Variants in NCF2 observed in about 807,000 individuals in gnomAD.
The protein encoded by NCF2 is neutrophil cytosol factor 2.
In NCF2, 45 loss-of-function variants were observed where a neutral mutation model predicts 70.9. That is an observed-to-expected ratio of 0.63 (90% confidence interval 0.50 to 0.81). The LOEUF is 0.81. Among genes scored for constraint, NCF2 ranks in the 40% least tolerant of loss-of-function variants. The pLI, the probability that NCF2 is intolerant of heterozygous loss-of-function variation, is 0.00. For missense variants in NCF2, 522 were observed against 631.6 expected (o/e 0.83, Z 1.86); for synonymous variants, 203 against 233.6 (o/e 0.87, Z 1.19).
upstream of NCF2, among the ~76,000 whole-genome samples, chr1:183,595,838 A>G (rs1006321370): frequency 6.6e-6 from 1 of 152,124 alleles, no homozygotes; most frequent in Non-Finnish European, 1.5e-5. Context: ...CACCTTTGCC[A>G]TGTTCTATTG....
the NCF2 span, among the ~76,000 whole-genome samples, chr1:183,599,746 C>T: frequency 9.3e-3 from 1,410 of 151,912 alleles, 26 homozygotes; most frequent in African/African-American, 0.032. Flanking sequence ...AGAGACAGGG[C>T]TTCTCCATGT....
chr1:183,573,440 G>T, intron 4 of NCF2, 148 bp from the exon 5 acceptor site: 1 of 799,986 alleles, frequency 1.3e-6, no homozygotes, highest in Non-Finnish European at 2.1e-6. Context: ...CCTCTAGGGT[G>T]TTAAGGTAGG....
At chr1:183,571,880 A>G (rs1672579088) in intron 5 of NCF2, among the ~76,000 whole-genome samples, 1 of 152,340 alleles carries the variant, frequency 6.6e-6, no homozygotes, top group East Asian at 1.9e-4. Flanking sequence ...CTTCCTTCAC[A>G]TAGCATAATG....
intron 1 of NCF2, among the ~76,000 whole-genome samples, chr1:183,589,444 G>C (rs753524717): frequency 3.3e-5 from 5 of 152,164 alleles, no homozygotes; most frequent in Non-Finnish European, 7.3e-5. Context: ...TTCGATCCTA[G>C]ATCTTCTCCT....
chr1:183,595,289 A>G (rs1673745460), upstream of NCF2, among the ~76,000 whole-genome samples: 1 of 152,174 alleles, frequency 6.6e-6, no homozygotes, highest in Non-Finnish European at 1.5e-5. Flanking sequence ...AGGATACAGA[A>G]AAGTCAACAG....
chr1:183,556,264 A>G (rs1416820626), intron 14 of NCF2, 34 bp from the exon 15 acceptor site: 1 of 1,575,650 alleles, frequency 6.3e-7, no homozygotes, highest in Non-Finnish European at 8.7e-7. Flanking sequence ...GGATTTCTAA[A>G]ACCACTGTAG....
At chr1:183,570,902 C>T in intron 5 of NCF2, 63 bp from the exon 6 acceptor site, 1 of 1,543,028 alleles carries the variant, frequency 6.5e-7, no homozygotes, top group Non-Finnish European at 9.0e-7. Flanking sequence ...TCTGGGTCTC[C>T]CTCTTTGCTC....
intron 2 of NCF2, among the ~76,000 whole-genome samples, chr1:183,580,893 C>T (rs184924864): frequency 8.5e-4 from 129 of 150,992 alleles, no homozygotes; most frequent in Middle Eastern, 3.4e-3. Flanking sequence ...GCAGGAGAAT[C>T]ACTTGAACCC....
At position 183,557,191 on chromosome 1, in the gene NCF2, C is replaced by T. The variant is rs113846676; in HGVS notation, c.1469-961G>A. Among the ~76,000 whole-genome samples the T allele has an allele frequency of 2.1e-3, 322 of 152,296 alleles. 3 individuals carry two copies. Among genetic ancestry groups the T allele is most frequent in the African/African-American group, 7.2e-3 (299 of 41,552 alleles). On this transcript the variant is annotated intron_variant, in intron 14 of 14. Transcript: ENST00000367535. ...AGCCATTCTGCCAGTAAAAATCAGA[C>T]AACTTAGGTATGATCTCCAAAGCCC... is the stretch of plus-strand genomic sequence containing the variant.
At chr1:183,571,885 A>G (rs923963812) in intron 5 of NCF2, among the ~76,000 whole-genome samples, 1 of 152,244 alleles carries the variant, frequency 6.6e-6, no homozygotes, top group African/African-American at 2.4e-5. Context: ...TTCACATAGC[A>G]TAATGTTTTC....
chr1:183,589,656 T>A (rs1300468561), intron 1 of NCF2, among the ~76,000 whole-genome samples: 16 of 152,194 alleles, frequency 1.1e-4, no homozygotes, highest in Non-Finnish European at 1.5e-5. Flanking sequence ...TAAAAGAGTC[T>A]CCTTTATAAT....
At chr1:183,593,888 G>T (rs142976218), upstream of NCF2, among the ~76,000 whole-genome samples, 93 of 152,202 alleles carry the variant, frequency 6.1e-4, no homozygotes, top group African/African-American at 2.1e-3. Flanking sequence ...AGTCTGCTAA[G>T]AATTTCTGGG....
chr1:183,588,474 C>CAAAAAAAAAAAAAAAAAA (rs58562761), intron 1 of NCF2, among the ~76,000 whole-genome samples: 1 of 101,910 alleles, frequency 9.8e-6, no homozygotes, highest in Non-Finnish European at 1.9e-5. Context: ...GACTCCATCT[C>CAAAAAAAAAAAAAAAAAA]AAAAAAAAAA....
At chr1:183,560,755 G>A (rs923207214) in intron 13 of NCF2, among the ~76,000 whole-genome samples, 2 of 152,184 alleles carry the variant, frequency 1.3e-5, no homozygotes, top group African/African-American at 4.8e-5. Flanking sequence ...TGGAGGTTGG[G>A]GACCCCTGGG....
At chr1:183,568,194 G>C (rs1235039004) in intron 7 of NCF2, among the ~76,000 whole-genome samples, 1 of 150,574 alleles carries the variant, frequency 6.6e-6, no homozygotes, top group Non-Finnish European at 1.5e-5. Context: ...ACGGAATCTT[G>C]GTCTGTTGCC....
At chr1:183,565,587 G>A in intron 10 of NCF2, 117 bp downstream of exon 10, 3 of 1,020,372 alleles carry the variant, frequency 2.9e-6, no homozygotes, top group Non-Finnish European at 4.6e-6. Context: ...CATTAGCTGA[G>A]TGACATGTTG....
Position 183,569,193 on chromosome 1 carries a change from A to T in NCF2, c.670-8T>A, listed in dbSNP as rs1302967942. 2 of 1,614,054 alleles carry T rather than the reference A, an allele frequency of 1.2e-6. No individual in the cohort carries two copies. Among genetic ancestry groups the T allele is most frequent in the Non-Finnish European group, 8.5e-7 (1 of 1,179,898 alleles). ...GGGTGGAGGCTCAGCTGCCTATTGA[A>T]CATTCAGGAGAAGTGAAAACGGAAA... is the stretch of plus-strand genomic sequence containing the variant. On this transcript the variant is annotated splice_polypyrimidine_tract_variant and splice_region_variant and intron_variant, in intron 6 of 14. Coordinates refer to ENST00000367535, the MANE Select transcript of NCF2 (RefSeq NM_000433.4).
At chr1:183,556,589 T>C (rs1055254444) in intron 14 of NCF2, among the ~76,000 whole-genome samples, 3 of 152,230 alleles carry the variant, frequency 2.0e-5, no homozygotes, top group Non-Finnish European at 4.4e-5. Flanking sequence ...TGGAGTGCAG[T>C]GGCACAATCT....
chr1:183,564,101 A>G, intron 10 of NCF2, 71 bp from the exon 11 acceptor site: 1 of 1,457,448 alleles, frequency 6.9e-7, no homozygotes, highest in African/African-American at 1.4e-5. Flanking sequence ...CCCCTGCCAC[A>G]CACAGATGAA....
Sources: allele counts gnomAD v4.1 joint callset (sites outside exome capture counted in the v4.1 genomes callset), GRCh38; gene constraint gnomAD v4.1.1; transcripts MANE v1.5; gene names NCBI Gene and HGNC (gene_info 2026-07-23, HGNC 2026-07-21).